SND1: variants seen among roughly 807,000 people sequenced by gnomAD.
The protein encoded by SND1 is staphylococcal nuclease and tudor domain containing 1.
In SND1, 38 loss-of-function variants were observed where a neutral mutation model predicts 121.7. The ratio of observed to expected loss-of-function variants is 0.31; its 90% CI spans 0.24 to 0.41. The LOEUF (loss-of-function observed/expected upper bound fraction) is 0.41. SND1 is among the 10% of genes least tolerant of loss of function. The probability of loss-of-function intolerance (pLI) is 1.00; values close to 1 mark genes in which losing one functional copy is unlikely to be tolerated. For synonymous variants in SND1, 401 were observed against 447.4 expected, an observed-to-expected ratio of 0.90 and a Z score of 1.31; for missense variants, 868 against 1,184.6, an observed-to-expected ratio of 0.73 and a Z score of 3.92.
chr7:127,674,710 G>GA (rs556012876), intron 1 of SND1, among the ~76,000 whole-genome samples: 1 of 151,998 alleles, frequency 6.6e-6, no homozygotes, highest in South Asian at 2.1e-4. Context: ...TGTTTTTGGA[G>GA]AAAAAAAATG....
At chr7:128,053,686 G>A (rs1236532844) in intron 16 of SND1, among the ~76,000 whole-genome samples, 1 of 151,874 alleles carries the variant, frequency 6.6e-6, no homozygotes, top group Non-Finnish European at 1.5e-5. Flanking sequence ...CAGAGGATGG[G>A]GATCCTGGAT....
In SND1 at chr7:128,072,093, T is replaced by C. The variant is rs1793423045; in HGVS notation, c.1780-2409T>C. ...TGTAAGCCCTGGAGAAAGGCGAGCA[T>C]GTGGATTGCAGCCTCAGAGAGCGAG... On this transcript the variant is annotated intron_variant, in intron 16 of 23. Transcript: ENST00000354725. 2.6e-5 allele frequency among the ~76,000 whole-genome samples: 4 copies of C among 152,300 alleles called. No homozygotes were observed. In the South Asian group the frequency reaches 8.3e-4, roughly 32 times the overall value.
chr7:127,750,691 G>A lies in SND1; in HGVS notation c.1152+29291G>A, dbSNP rs528480750. 5.9e-5 allele frequency among the ~76,000 whole-genome samples: 9 copies of A among 152,218 alleles called. No homozygotes were observed. The East Asian group carries it at 1.5e-3, about 26-fold the overall frequency. On this transcript the variant is annotated intron_variant, in intron 10 of 23. Transcript: ENST00000354725. ...ATGTTTAAATGAACATTTCCTTCGT[G>A]TGTCATGTCGATGCCCAAACGTTTC... is the stretch of plus-strand genomic sequence containing the variant.
chr7:127,653,978 T>C (rs1795168717), intron 1 of SND1, among the ~76,000 whole-genome samples: 1 of 152,252 alleles, frequency 6.6e-6, no homozygotes, highest in African/African-American at 2.4e-5. Context: ...TGCACTGATC[T>C]TCTCTTCACC....
chr7:127,924,679 A>T (rs1800794655), intron 14 of SND1, among the ~76,000 whole-genome samples: 1 of 152,176 alleles, frequency 6.6e-6, no homozygotes, highest in Admixed American at 6.5e-5. Context: ...TGCCTGCTGT[A>T]CAAGGATTCT....
At chr7:127,714,960 G>A (rs560157676) in intron 9 of SND1, among the ~76,000 whole-genome samples, 1 of 152,284 alleles carries the variant, frequency 6.6e-6, no homozygotes, top group South Asian at 2.1e-4. Context: ...CTATCAACAT[G>A]GTTATACAAA....
chr7:128,009,885 A>C (rs946559144), intron 16 of SND1, among the ~76,000 whole-genome samples: 1 of 152,188 alleles, frequency 6.6e-6, no homozygotes, highest in Non-Finnish European at 1.5e-5. Flanking sequence ...ATGCCGGATC[A>C]AGTCAGACAA....
intron 10 of SND1, among the ~76,000 whole-genome samples, chr7:127,741,278 A>G (rs1300562754): frequency 6.6e-6 from 1 of 152,212 alleles, no homozygotes; most frequent in African/African-American, 2.4e-5. Context: ...TTTGCCTTAT[A>G]TATAATTAAC....
intron 1 of SND1, among the ~76,000 whole-genome samples, chr7:127,686,372 A>G (rs886233859): frequency 4.6e-5 from 7 of 152,292 alleles, no homozygotes; most frequent in Non-Finnish European, 7.4e-5. Flanking sequence ...TGTTTATTCT[A>G]TGACTTTTCT....
chr7:128,089,013 G>A (rs1793731353), intron 21 of SND1, among the ~76,000 whole-genome samples: 1 of 152,252 alleles, frequency 6.6e-6, no homozygotes, highest in South Asian at 2.1e-4. Context: ...TCCAGAGCCT[G>A]TTTCTGCCTC....
chr7:127,712,508 A>G (rs1041466582), intron 9 of SND1, among the ~76,000 whole-genome samples: 1 of 152,134 alleles, frequency 6.6e-6, no homozygotes, highest in Admixed American at 6.6e-5. Flanking sequence ...ATTTGAAACC[A>G]TCCATCATTT....
intron 16 of SND1, among the ~76,000 whole-genome samples, chr7:128,070,392 T>C (rs1472371741): frequency 6.6e-6 from 1 of 152,224 alleles, no homozygotes; most frequent in South Asian, 2.1e-4. Context: ...CATGTGCACG[T>C]CAGTGCATGC....
chr7:127,846,793 C>A (rs745462828), intron 12 of SND1, among the ~76,000 whole-genome samples: 1 of 151,994 alleles, frequency 6.6e-6, no homozygotes, highest in Non-Finnish European at 1.5e-5. Flanking sequence ...AGAGAGACTC[C>A]CAGATAATTT....
chr7:128,075,844 C>A (rs1044295059), intron 17 of SND1, among the ~76,000 whole-genome samples: 4 of 152,258 alleles, frequency 2.6e-5, no homozygotes, highest in Non-Finnish European at 4.4e-5. Flanking sequence ...GCAGCCTCAG[C>A]TCCTATAGGA....
At chr7:127,947,757 T>G (rs890619368) in intron 15 of SND1, among the ~76,000 whole-genome samples, 1 of 152,238 alleles carries the variant, frequency 6.6e-6, no homozygotes, top group Non-Finnish European at 1.5e-5. Flanking sequence ...CTTCTGCATT[T>G]TCACTGAAAT....
intron 17 of SND1, among the ~76,000 whole-genome samples, chr7:128,076,209 G>T (rs1357256217): frequency 6.6e-6 from 1 of 152,176 alleles, no homozygotes; most frequent in African/African-American, 2.4e-5. Context: ...GAGATGGAAG[G>T]GTGGGTTCCC....
chr7:127,779,101 T>C (rs1797671811), intron 10 of SND1, among the ~76,000 whole-genome samples: 1 of 152,224 alleles, frequency 6.6e-6, no homozygotes, highest in African/African-American at 2.4e-5. Flanking sequence ...CAAAATTTTC[T>C]ATGCAAAAAC....
chr7:127,882,735 C>T (rs1012216663), intron 12 of SND1, among the ~76,000 whole-genome samples: 1 of 152,120 alleles, frequency 6.6e-6, no homozygotes, highest in Non-Finnish European at 1.5e-5. Context: ...CTACAGATGG[C>T]TCAGAACCTG....
intron 8 of SND1, among the ~76,000 whole-genome samples, chr7:127,706,597 A>G (rs1796206181): frequency 6.6e-6 from 1 of 152,158 alleles, no homozygotes; most frequent in African/African-American, 2.4e-5. Flanking sequence ...AATGCAATGA[A>G]AATAATATCT....
Sources: gnomAD v4.1 joint callset for allele counts (sites outside exome capture counted in the v4.1 genomes callset) on GRCh38, gnomAD v4.1.1 for gene constraint, MANE v1.5 for transcripts, NCBI Gene and HGNC (gene_info 2026-07-23, HGNC 2026-07-21) for gene names.